The following TOX2 variants were observed in gnomAD, a reference collection of about 807,000 sequenced individuals.
TOX2 encodes TOX high mobility group box family member 2, also known as granulosa cell HMG box 1.
In TOX2, 15 loss-of-function variants were observed where a neutral mutation model predicts 47.4. The ratio of observed to expected loss-of-function variants is 0.32; its 90% CI spans 0.21 to 0.49. TOX2 has a LOEUF of 0.49. Among genes scored for constraint, TOX2 ranks in the 20% least tolerant of loss-of-function variants. TOX2 has a pLI of 0.99. For synonymous variants in TOX2, 290 were observed against 296.6 expected (o/e 0.98, Z 0.23); for missense variants, 622 against 673.1 (o/e 0.92, Z 0.84).
intron 3 of TOX2, among the ~76,000 whole-genome samples, chr20:44,022,117 C>G (rs1375961329): frequency 6.6e-6 from 1 of 152,248 alleles, no homozygotes; most frequent in African/African-American, 2.4e-5. Flanking sequence ...GGAGACAAAA[C>G]TGTCCTTCGG....
intron 2 of TOX2, among the ~76,000 whole-genome samples, chr20:43,993,920 A>G (rs1357987393): frequency 6.6e-6 from 1 of 152,210 alleles, no homozygotes; most frequent in Non-Finnish European, 1.5e-5. Context: ...CGGAATGGAA[A>G]GCAGGGAGGA....
chr20:44,065,821 C>T lies in TOX2; in HGVS notation c.1070C>T (p.Thr357Met), dbSNP rs764077991. Residue 357 changes from threonine (T) to methionine (M), a missense_variant, in exon 7 of 9, where the codon ACG becomes ATG. Thr to Met is a moderately conservative substitution (Grantham distance 81, BLOSUM62 -1). Transcript: ENST00000341197. ...YAMPGLASFL[T>M]PSDLQAFRSG... The stretch of plus-strand genomic sequence containing the variant: ...ATGCCAGGCCTGGCCTCCTTCCTGA[C>T]GCCGTCGGACCTGCAGGCCTTCCGC... 67 of 1,613,840 alleles carry T rather than the reference C, an allele frequency of 4.2e-5. No homozygotes were observed. Among genetic ancestry groups the T allele is most frequent in the Non-Finnish European group, 5.1e-5 (60 of 1,179,820 alleles).
At chr20:43,985,465 T>C (rs1230224814) in intron 2 of TOX2, among the ~76,000 whole-genome samples, 1 of 152,220 alleles carries the variant, frequency 6.6e-6, no homozygotes, top group Non-Finnish European at 1.5e-5. Context: ...AATGATAATC[T>C]TGACACATGT....
At chr20:43,927,945 T>G (rs2069199314) in intron 1 of TOX2, among the ~76,000 whole-genome samples, 2 of 152,024 alleles carry the variant, frequency 1.3e-5, no homozygotes, top group Non-Finnish European at 2.9e-5. Flanking sequence ...ATAAACAATT[T>G]CAAATGTGTG....
chr20:44,002,836 C>T (rs1352011906), intron 2 of TOX2, among the ~76,000 whole-genome samples: 1 of 152,164 alleles, frequency 6.6e-6, no homozygotes. Flanking sequence ...AGAGCAAAAA[C>T]TCACTCATTA....
chr20:43,932,098 A>G (rs2069259598), intron 1 of TOX2, among the ~76,000 whole-genome samples: 1 of 152,144 alleles, frequency 6.6e-6, no homozygotes, highest in Admixed American at 6.6e-5. Context: ...AGAGTGGGGT[A>G]TCAAAGAAGA....
rs200770035 is a variant in TOX2 at position 44,062,367 on chromosome 20, AAAATAAATAAAT to A, written c.880-2381_880-2370del. Among the ~76,000 whole-genome samples the A allele has an allele frequency of 1.1e-3, 152 of 140,906 alleles. 3 individuals are homozygous for A. The East Asian group carries it at 0.023, about 21-fold the overall frequency. 92.4% of individuals were successfully genotyped at this position (140,906 alleles called of 152,430 possible). ...CAAGAACTCAACCCCCTTTAACTGC[AAAATAAATAAAT>A]AAATAAATAAATAAATAAATAAATA... is the stretch of plus-strand genomic sequence containing the variant. On this transcript the variant is annotated intron_variant, in intron 5 of 8. Transcript: ENST00000341197.
intron 2 of TOX2, among the ~76,000 whole-genome samples, chr20:43,994,948 G>A (rs936812065): frequency 2.0e-5 from 3 of 152,100 alleles, no homozygotes; most frequent in Non-Finnish European, 4.4e-5. Flanking sequence ...GGTGTTAGAT[G>A]CACTCCTGTG....
intron 1 of TOX2, among the ~76,000 whole-genome samples, chr20:43,959,252 A>AGT: frequency 6.6e-6 from 1 of 152,352 alleles, no homozygotes; most frequent in Non-Finnish European, 1.5e-5. Context: ...GCAGCAGCTT[A>AGT]GTGCAGAGCC....
chr20:44,020,214 C>A (rs192044883), intron 3 of TOX2, among the ~76,000 whole-genome samples: 1 of 152,312 alleles, frequency 6.6e-6, no homozygotes, highest in Admixed American at 6.5e-5. Flanking sequence ...CACGGAGTTG[C>A]TGGCATTTGT....
chr20:43,915,088 T>G lies in TOX2; in HGVS notation c.99+98T>G. 1.5e-6 allele frequency: 1 copy of G among 658,458 alleles called. No individual in the cohort carries two copies. Among genetic ancestry groups the G allele is most frequent in the Non-Finnish European group, 2.0e-6 (1 of 511,098 alleles). The allele number at this position is 658,458 out of a possible 1,614,324, so 40.8% of individuals were successfully genotyped here. ...CCGGGGTCACACGGGGCCGCGCACA[T>G]CAGCCCCGCCGACGGGCACGGGCGG... On this transcript the variant is annotated intron_variant, in intron 1 of 8. Coordinates refer to ENST00000341197, the MANE Select transcript of TOX2 (RefSeq NM_001098797.2). The surrounding 1 kb of genome is among the most constrained non-coding windows in gnomAD (Gnocchi z 7.1).
intron 1 of TOX2, among the ~76,000 whole-genome samples, chr20:43,965,852 G>T (rs1385491515): frequency 6.6e-6 from 1 of 152,176 alleles, no homozygotes; most frequent in Non-Finnish European, 1.5e-5. Context: ...TAAAGGAAAG[G>T]AAGTCAAGAT....
chr20:44,028,475 T>C (rs2145678600), intron 3 of TOX2, among the ~76,000 whole-genome samples: 1 of 152,350 alleles, frequency 6.6e-6, no homozygotes, highest in East Asian at 1.9e-4. Context: ...AGCAAGACAT[T>C]GGAGTTTCTC....
chr20:44,007,071 G>C (rs540739655), intron 3 of TOX2, among the ~76,000 whole-genome samples: 1 of 152,144 alleles, frequency 6.6e-6, no homozygotes, highest in Non-Finnish European at 1.5e-5. Context: ...TGCATTATTT[G>C]TTAATAGTAT....
chr20:43,916,302 C>A lies in TOX2; in HGVS notation c.99+1312C>A. 1.1e-6 allele frequency: 1 copy of A among 911,832 alleles called. No individual in the cohort carries two copies. The highest frequency in any genetic ancestry group is 1.3e-6 in the Non-Finnish European group (1 of 762,698). 56.5% of individuals were successfully genotyped at this position (911,832 alleles called of 1,614,324 possible). A position where few individuals can be genotyped will look rare whatever the true frequency, so the allele number is the denominator to read the frequency against. On this transcript the variant is annotated intron_variant, in intron 1 of 8. Coordinates refer to ENST00000341197, the MANE Select transcript of TOX2 (RefSeq NM_001098797.2). This position sits in a 1 kb window ranked among gnomAD's most constrained non-coding sequence, Gnocchi z 5.0. The stretch of plus-strand genomic sequence containing the variant: ...CAGGCCCCTGGTAGTGGGGATGAGG[C>A]AGGAGAGAGGCGTCCCGGCGCGGAT...
At chr20:44,039,026 G>T (rs2071287755) in intron 3 of TOX2, 1 of 1,227,654 alleles carries the variant, frequency 8.1e-7, no homozygotes, top group South Asian at 1.4e-5. Flanking sequence ...GAAGCAGGAG[G>T]CTGGCTTCAC....
chr20:43,943,162 T>C (rs2069422769), intron 1 of TOX2, among the ~76,000 whole-genome samples: 1 of 152,066 alleles, frequency 6.6e-6, no homozygotes. Flanking sequence ...GCTCTCGGGG[T>C]GCACGAGTCA....
intron 5 of TOX2, among the ~76,000 whole-genome samples, chr20:44,057,648 C>T (rs2071644545): frequency 6.6e-6 from 1 of 152,194 alleles, no homozygotes; most frequent in East Asian, 1.9e-4. Flanking sequence ...GACACTAAAA[C>T]ATAATGAAGC....
chr20:44,028,909 G>A (rs912875342), intron 3 of TOX2, among the ~76,000 whole-genome samples: 3 of 152,138 alleles, frequency 2.0e-5, no homozygotes, highest in African/African-American at 7.2e-5. Flanking sequence ...TCTGCCCCAT[G>A]TGCCTCTTGA....
Sources: gnomAD v4.1 joint callset for allele counts (sites outside exome capture counted in the v4.1 genomes callset) on GRCh38, gnomAD v4.1.1 for gene constraint, Gnocchi (gnomAD v3.1) non-coding constraint, MANE v1.5 for transcripts, NCBI Gene and HGNC (gene_info 2026-07-23, HGNC 2026-07-21) for gene names.